The following KIF4A variants were observed in gnomAD, a reference collection of about 807,000 sequenced individuals.
KIF4A encodes chromosome-associated kinesin KIF4A.
In KIF4A, 7 loss-of-function variants were observed where a neutral mutation model predicts 105.9. The observed-to-expected ratio is 0.07, with a 90% CI of 0.04 to 0.12. The LOEUF (loss-of-function observed/expected upper bound fraction) is 0.12, where lower values mean the gene tolerates loss of function less well. KIF4A is among the 10% of genes least tolerant of loss of function. The pLI, the probability that KIF4A is intolerant of heterozygous loss-of-function variation, is 1.00. For missense variants in KIF4A, 558 were observed against 929.2 expected, an observed-to-expected ratio of 0.60 and a Z score of 5.19; for synonymous variants, 281 against 331.3, an observed-to-expected ratio of 0.85 and a Z score of 1.65.
intron 15 of KIF4A, among the ~76,000 whole-genome samples, chrX:70,356,659 T>C (rs957091278): frequency 4.5e-5 from 5 of 112,229 alleles, no homozygotes; most frequent in African/African-American, 1.3e-4. Context: ...CTTAGAAAAA[T>C]CAAAGCAGTC....
At chrX:70,379,444 T>G (rs2086188516) in intron 18 of KIF4A, among the ~76,000 whole-genome samples, 1 of 111,465 alleles carries the variant, frequency 9.0e-6, no homozygotes, top group Non-Finnish European at 1.9e-5. Context: ...CAAAGAAAAT[T>G]CCAGGCACAG....
intron 13 of KIF4A, among the ~76,000 whole-genome samples, chrX:70,345,339 C>T (rs2085988014): frequency 9.1e-6 from 1 of 110,102 alleles, no homozygotes; most frequent in South Asian, 4.0e-4. Flanking sequence ...TGGCATGCAC[C>T]TGTAGTCCCA....
intron 28 of KIF4A, among the ~76,000 whole-genome samples, chrX:70,411,007 G>A (rs1037908040): frequency 8.9e-6 from 1 of 112,893 alleles, no homozygotes; most frequent in African/African-American, 3.2e-5. Flanking sequence ...ATATGCAAAA[G>A]CACCTTGTGA....
chrX:70,393,588 T>C (rs2086245511), intron 20 of KIF4A, among the ~76,000 whole-genome samples: 1 of 111,411 alleles, frequency 9.0e-6, no homozygotes, highest in Admixed American at 9.6e-5. Flanking sequence ...TTAGGATTAA[T>C]TGATCCCTGT....
intron 18 of KIF4A, among the ~76,000 whole-genome samples, chrX:70,376,871 TA>T (rs1010856435): frequency 5.4e-5 from 6 of 111,759 alleles, no homozygotes; most frequent in African/African-American, 1.9e-4. Flanking sequence ...TATCTGGGAA[TA>T]ATGTATAGAG....
At chrX:70,380,449 A>G (rs776330885) in intron 18 of KIF4A, among the ~76,000 whole-genome samples, 1 of 112,685 alleles carries the variant, frequency 8.9e-6, no homozygotes, top group Non-Finnish European at 1.9e-5. Context: ...ATCTCAATAG[A>G]CACAGAAAAA....
intron 15 of KIF4A, among the ~76,000 whole-genome samples, chrX:70,365,817 G>A (rs930268134): frequency 1.1e-4 from 12 of 111,563 alleles, no homozygotes; most frequent in Non-Finnish European, 2.1e-4. Flanking sequence ...CAGAAGCAGC[G>A]GTACCAGCTC....
At position 70,374,187 on chromosome X, in the gene KIF4A, C is replaced by T. The variant is rs2086165795; in HGVS notation, c.1711C>T (p.Leu571=). ...IKELELEVIN[L]QKEKEELVLE... is the part of the protein sequence containing the mutation. ...AGAGCTAGAATTAGAAGTCATCAAT[C>T]TGCAAAAGGAAAAGGAAGAATTGGT... Residue 571 remains leucine, a synonymous_variant, in exon 16 of 31, where the codon CTG becomes TTG. Transcript: ENST00000374403. The T allele has an allele frequency of 1.7e-6, 2 of 1,199,223 alleles. No individual in the cohort carries two copies. Among genetic ancestry groups the T allele is most frequent in the African/African-American group, 1.8e-5 (1 of 56,709 alleles).
intron 9 of KIF4A, 132 bp from the exon 10 acceptor site, chrX:70,333,496 G>A: frequency 4.2e-6 from 2 of 478,060 alleles, no homozygotes; most frequent in Non-Finnish European, 7.6e-6. Context: ...AGTATCTAAG[G>A]TATGCTATCT....
rs183811466 is a variant in KIF4A, at chrX:70,355,281, G to A, written c.1674+1474G>A. Among the ~76,000 whole-genome samples the A allele has an allele frequency of 3.4e-3, 381 of 111,660 alleles. 4 individuals are homozygous for A. Among genetic ancestry groups the A allele is most frequent in the African/African-American group, 0.012 (357 of 30,717 alleles). Reference sequence around the variant, plus strand: ...GACTATAGGGTTGGTTTTTGTTGGTGGTGGTTCCCAATCTCAGAAGTCCAG... The same window carrying A: ...GACTATAGGGTTGGTTTTTGTTGGTAGTGGTTCCCAATCTCAGAAGTCCAG... On this transcript the variant is annotated intron_variant, in intron 15 of 30. Coordinates refer to ENST00000374403, the MANE Select transcript of KIF4A (RefSeq NM_012310.5).
At chrX:70,358,007 C>A in intron 15 of KIF4A, among the ~76,000 whole-genome samples, 1 of 111,189 alleles carries the variant, frequency 9.0e-6, no homozygotes, top group Non-Finnish European at 1.9e-5. Flanking sequence ...ACTTCCTGGG[C>A]TCAGGTGGTC....
intron 15 of KIF4A, among the ~76,000 whole-genome samples, chrX:70,365,341 C>T (rs2086097108): frequency 9.0e-6 from 1 of 111,425 alleles, no homozygotes; most frequent in African/African-American, 3.3e-5. Flanking sequence ...GGGAATGCTT[C>T]CAGTTTTTGC....
At chrX:70,313,748 T>C (rs749851364) in intron 7 of KIF4A, among the ~76,000 whole-genome samples, 1 of 112,429 alleles carries the variant, frequency 8.9e-6, no homozygotes, top group African/African-American at 3.2e-5. Context: ...TCACAGGAAG[T>C]TGGTGGCTTT....
Position 70,420,490 on chromosome X carries a change from A to C in KIF4A, c.*225A>C. ...CAGAAGGGTGCTAAGTCACCTACTG[A>C]AGAGAGAACCAACTGACTTTCCTAT... On this transcript the variant is annotated 3_prime_UTR_variant, in exon 31 of 31. Coordinates refer to ENST00000374403, the MANE Select transcript of KIF4A (RefSeq NM_012310.5). 2.4e-6 allele frequency: 1 copy of C among 410,691 alleles called. No individual in the cohort carries two copies. The highest frequency in any genetic ancestry group is 4.1e-6 in the Non-Finnish European group (1 of 243,065). The allele number at this position is 410,691 out of a possible 1,213,427, so 33.8% of individuals were successfully genotyped here.
At chrX:70,380,022 G>T (rs1322261516) in intron 18 of KIF4A, among the ~76,000 whole-genome samples, 2 of 111,455 alleles carry the variant, frequency 1.8e-5, no homozygotes, top group African/African-American at 6.5e-5. Flanking sequence ...AGGATGATAG[G>T]CTGGGCGTGG....
rs138343369 is a variant in KIF4A at position 70,316,719 on chromosome X, C to T, written c.779-12686C>T. The stretch of plus-strand genomic sequence containing the variant: ...AAGCATCCCAGAAGTGTCACTTGTG[C>T]TCTCTTCTAGTCACTGTCTTCCCCA... On this transcript the variant is annotated intron_variant, in intron 7 of 30. Coordinates refer to ENST00000374403, the MANE Select transcript of KIF4A (RefSeq NM_012310.5). Among the ~76,000 whole-genome samples, 1,071 of 111,879 alleles carry T rather than the reference C, an allele frequency of 9.6e-3. 11 individuals are homozygous for T. Among genetic ancestry groups the T allele is most frequent in the African/African-American group, 0.033 (1,018 of 30,858 alleles).
At chrX:70,411,789 C>T (rs1479104015) in intron 28 of KIF4A, among the ~76,000 whole-genome samples, 1 of 110,606 alleles carries the variant, frequency 9.0e-6, no homozygotes, top group Non-Finnish European at 1.9e-5. Flanking sequence ...TGTGGTTGCT[C>T]ATGCCTATCA....
intron 22 of KIF4A, among the ~76,000 whole-genome samples, chrX:70,397,038 A>C (rs758924694): frequency 1.0e-4 from 11 of 108,362 alleles, no homozygotes; most frequent in Non-Finnish European, 1.9e-4. Context: ...GCGCCATTGC[A>C]CTCCAGCCTG....
chrX:70,364,075 G>T (rs186563867), intron 15 of KIF4A, among the ~76,000 whole-genome samples: 108 of 112,035 alleles, frequency 9.6e-4, no homozygotes, highest in African/African-American at 3.4e-3. Flanking sequence ...TTGACCACTT[G>T]TTGATGGGGT....
Sources: allele counts gnomAD v4.1 joint callset (sites outside exome capture counted in the v4.1 genomes callset), GRCh38; gene constraint gnomAD v4.1.1; transcripts MANE v1.5; gene names NCBI Gene and HGNC (gene_info 2026-07-23, HGNC 2026-07-21).